Variants in DYSF observed in about 807,000 individuals in gnomAD.
DYSF encodes the protein dystrophy-associated fer-1-like 1.
DYSF carries 212 observed loss-of-function variants against 274.9 expected under a neutral mutation model. The ratio of observed to expected loss-of-function variants is 0.77; its 90% CI spans 0.69 to 0.86. DYSF has a LOEUF of 0.86. DYSF is among the 40% of genes least tolerant of loss of function. DYSF has a pLI of 0.00. For missense variants in DYSF, 2,666 were observed against 2,783.2 expected, an observed-to-expected ratio of 0.96 and a Z score of 0.95; for synonymous variants, 1,091 against 1,078.7, an observed-to-expected ratio of 1.01 and a Z score of -0.22.
At chr2:71,653,775 C>T (rs2094713856) in intron 42 of DYSF, among the ~76,000 whole-genome samples, 1 of 151,630 alleles carries the variant, frequency 6.6e-6, no homozygotes, top group Non-Finnish European at 1.5e-5. Flanking sequence ...CAGACCTGCA[C>T]ATTGTGCACA....
At chr2:71,655,636 G>A (rs2094754152) in intron 42 of DYSF, among the ~76,000 whole-genome samples, 2 of 152,222 alleles carry the variant, frequency 1.3e-5, no homozygotes. Flanking sequence ...CACTTGGATT[G>A]ATATTTGATA....
At chr2:71,560,660 C>T (rs571652795) in intron 22 of DYSF, among the ~76,000 whole-genome samples, 3 of 152,304 alleles carry the variant, frequency 2.0e-5, no homozygotes, top group African/African-American at 4.8e-5. Context: ...CCTGCCAGAG[C>T]GGTGTATCTG....
At chr2:71,465,144 C>T (rs954596806), upstream of DYSF, among the ~76,000 whole-genome samples, 6 of 152,014 alleles carry the variant, frequency 3.9e-5, no homozygotes, top group Admixed American at 1.3e-4. Flanking sequence ...GCTTGTGTGC[C>T]GATGGGATGA....
At chr2:71,474,693 G>A (rs1487215970) in intron 1 of DYSF, among the ~76,000 whole-genome samples, 2 of 152,204 alleles carry the variant, frequency 1.3e-5, no homozygotes, top group Admixed American at 1.3e-4. Context: ...GGGTCCCAGA[G>A]TTGGCCCTTC....
rs558680880 is a variant in DYSF at position 71,539,245 on chromosome 2, T to A, written c.1576+6T>A. On this transcript the variant is annotated splice_donor_region_variant and intron_variant, in intron 17 of 55. Coordinates refer to ENST00000410020, the MANE Select transcript of DYSF (RefSeq NM_001130987.2). ...CCCTGGAGGAGAAATAGAAGGTATG[T>A]TCCCTCTTCGTTCTGCCCTTTGACC... 6.2e-7 allele frequency: 1 copy of A among 1,612,930 alleles called. No homozygotes were observed. The highest frequency in any genetic ancestry group is 2.2e-5 in the East Asian group (1 of 44,864).
chr2:71,618,152 GT>G (rs2093959346), intron 40 of DYSF, among the ~76,000 whole-genome samples: 1 of 492 alleles, frequency 2.0e-3, no homozygotes, highest in African/African-American at 5.1e-3. Context: ...GGTAGAGGTG[GT>G]GTGTGTGTGT....
chr2:71,612,510 G>A, intron 38 of DYSF, 131 bp from the exon 39 acceptor site: 2 of 1,420,006 alleles, frequency 1.4e-6, no homozygotes, highest in Non-Finnish European at 1.9e-6. Flanking sequence ...CCAGCTCTGG[G>A]CCAGCCACCA....
chr2:71,534,966 G>C, intron 14 of DYSF, 55 bp from the exon 15 acceptor site: 1 of 1,589,320 alleles, frequency 6.3e-7, no homozygotes, highest in Non-Finnish European at 8.6e-7. Context: ...GGCCCCGGGG[G>C]AGCCCAGAGT....
At chr2:71,557,821 A>G (rs974675546) in intron 22 of DYSF, among the ~76,000 whole-genome samples, 1 of 152,070 alleles carries the variant, frequency 6.6e-6, no homozygotes, top group African/African-American at 2.4e-5. Context: ...TGAGGCAGAC[A>G]GATCACTTGA....
chr2:71,553,718 G>A, intron 20 of DYSF, 89 bp from the exon 21 acceptor site: 2 of 1,152,406 alleles, frequency 1.7e-6, no homozygotes, highest in Non-Finnish European at 2.5e-6. Flanking sequence ...TCCTAGCCCT[G>A]GAGTGCCCAG....
At chr2:71,540,268 G>A (rs888164929) in intron 17 of DYSF, among the ~76,000 whole-genome samples, 8 of 151,830 alleles carry the variant, frequency 5.3e-5, no homozygotes, top group Non-Finnish European at 8.8e-5. Flanking sequence ...GCGCCACCAC[G>A]CCCGGCTAAT....
chr2:71,685,215 C>T (rs2095342225), intron 55 of DYSF, among the ~76,000 whole-genome samples: 1 of 152,172 alleles, frequency 6.6e-6, no homozygotes, highest in African/African-American at 2.4e-5. Flanking sequence ...GGGGCCTGGT[C>T]AGAGCTCCTC....
rs1025172479 is a variant in DYSF, at chr2:71,561,315, A to G, written c.2217-437A>G. On this transcript the variant is annotated intron_variant, in intron 22 of 55. Coordinates refer to ENST00000410020, the MANE Select transcript of DYSF (RefSeq NM_001130987.2). ...TTTCTTCCTTGAAGAATGTGGACACAGCACAGAGCAGACTTGTTTCAGTGC... is the reference window on the plus strand; with the variant it reads ...TTTCTTCCTTGAAGAATGTGGACACGGCACAGAGCAGACTTGTTTCAGTGC... Among the ~76,000 whole-genome samples, 9 of 152,322 alleles carry G rather than the reference A, an allele frequency of 5.9e-5. 1 individual carries two copies.
At chr2:71,582,148 A>T (rs571811866) in intron 30 of DYSF, among the ~76,000 whole-genome samples, 1 of 147,156 alleles carries the variant, frequency 6.8e-6, no homozygotes, top group African/African-American at 2.5e-5. Flanking sequence ...TTATTGGCAC[A>T]TAGCTGGTAC....
At chr2:71,565,887 C>A (rs932139258) in intron 24 of DYSF, among the ~76,000 whole-genome samples, 1 of 152,268 alleles carries the variant, frequency 6.6e-6, no homozygotes, top group African/African-American at 2.4e-5. Context: ...CTCCCCACCT[C>A]TCCCCTTTTC....
chr2:71,668,663 T>C lies in DYSF; in HGVS notation c.5458-91T>C, dbSNP rs574437104. The C allele has an allele frequency of 2.4e-5, 30 of 1,271,114 alleles. No homozygotes were observed. In the South Asian group the frequency reaches 3.5e-4, roughly 15 times the overall value. The allele number at this position is 1,271,114 out of a possible 1,614,324, so 78.7% of individuals were successfully genotyped here. ...TCTGGAAGGGCCTGGGTTTCTCTGT[T>C]CTGTGCCCTCAGCATCTGGCCCAGA... On this transcript the variant is annotated intron_variant, in intron 48 of 55. Transcript: ENST00000410020.
chr2:71,600,799 C>CG lies in DYSF; in HGVS notation c.3859dup (p.Glu1287GlyfsTer7), dbSNP rs779407815. ...CCACTGACGAGGGGCAGCCAGCCGT[C>CG]GGGGGAGCTGCTGGCCTCTTTTGAG... is the stretch of plus-strand genomic sequence containing the variant. On this transcript the variant is annotated frameshift_variant, in exon 34 of 56. Coordinates refer to ENST00000410020, the MANE Select transcript of DYSF (RefSeq NM_001130987.2). LOFTEE classifies it high-confidence loss of function. The CG allele has an allele frequency of 1.1e-5, 17 of 1,613,422 alleles. No homozygotes were observed. Among genetic ancestry groups the CG allele is most frequent in the African/African-American group, 1.3e-5 (1 of 75,034 alleles).
chr2:71,561,397 C>T (rs775306606), intron 22 of DYSF, among the ~76,000 whole-genome samples: 1 of 146,524 alleles, frequency 6.8e-6, no homozygotes, highest in Non-Finnish European at 1.5e-5. Context: ...AGGAGCAGGA[C>T]CCCCTGGGCC....
intron 35 of DYSF, among the ~76,000 whole-genome samples, chr2:71,602,032 T>C (rs2093561106): frequency 6.6e-6 from 1 of 152,170 alleles, no homozygotes; most frequent in African/African-American, 2.4e-5. Flanking sequence ...CAGACCACAT[T>C]TCCCACTGAA....
Sources: gnomAD v4.1 joint callset for allele counts (sites outside exome capture counted in the v4.1 genomes callset) on GRCh38, gnomAD v4.1.1 for gene constraint, MANE v1.5 for transcripts, NCBI Gene and HGNC (gene_info 2026-07-23, HGNC 2026-07-21) for gene names.